CDH18: variants seen among roughly 807,000 people sequenced by gnomAD.
CDH18 encodes cadherin-18.
Under a neutral mutation model 67.9 loss-of-function variants are expected in CDH18, and 31 were observed. The observed-to-expected ratio is 0.46, with a 90% CI of 0.34 to 0.62. The LOEUF (loss-of-function observed/expected upper bound fraction) is 0.62. Among genes scored for constraint, CDH18 ranks in the 20% least tolerant of loss-of-function variants. The pLI is 0.01. For missense variants in CDH18, 890 were observed against 975.5 expected (o/e 0.91, Z 1.17); for synonymous variants, 362 against 347.2 (o/e 1.04, Z -0.48).
chr5:20,478,576 A>G (rs954575382), intron 1 of CDH18, among the ~76,000 whole-genome samples: 4 of 152,184 alleles, frequency 2.6e-5, no homozygotes, highest in African/African-American at 9.7e-5. Context: ...GTGCCAGCTC[A>G]GAAGCAACAG....
At chr5:19,768,234 A>T (rs1773331407) in intron 3 of CDH18, among the ~76,000 whole-genome samples, 1 of 152,216 alleles carries the variant, frequency 6.6e-6, no homozygotes, top group Non-Finnish European at 1.5e-5. Context: ...TTCAGAAACA[A>T]TCAGAGGAAA....
intron 7 of CDH18, among the ~76,000 whole-genome samples, chr5:19,583,142 A>G (rs9292679): frequency 0.1 from 15,607 of 151,970 alleles, 1,032 homozygotes; most frequent in African/African-American, 0.18. Flanking sequence ...TATGTCTCCT[A>G]TAGGCAGGGA....
intron 5 of CDH18, among the ~76,000 whole-genome samples, chr5:19,714,409 A>C (rs1027016914): frequency 9.9e-5 from 15 of 152,132 alleles, no homozygotes; most frequent in African/African-American, 3.6e-4. Flanking sequence ...TATTTCTTAA[A>C]TGCTATCTAC....
At chr5:19,976,290 A>C (rs1798491362) in intron 2 of CDH18, among the ~76,000 whole-genome samples, 1 of 152,184 alleles carries the variant, frequency 6.6e-6, no homozygotes, top group Non-Finnish European at 1.5e-5. Context: ...GATATCACAG[A>C]CAATGCAAAA....
In CDH18 at chr5:19,907,379, G is replaced by A. The variant is rs57057038; in HGVS notation, c.-256-68137C>T. ...ATGCATAATGAGATATGTTGGGGAT[G>A]GGGCCCAAGTATAAACAGCAAATTC... is the stretch of plus-strand genomic sequence containing the variant. On this transcript the variant is annotated intron_variant, in intron 2 of 12. Coordinates refer to ENST00000382275, the MANE Select transcript of CDH18 (RefSeq NM_004934.5). Among the ~76,000 whole-genome samples the A allele has an allele frequency of 2.2e-3, 340 of 151,950 alleles. 1 individual carries two copies. Among genetic ancestry groups the A allele is most frequent in the African/African-American group, 7.7e-3 (320 of 41,482 alleles).
chr5:19,867,971 GC>G (rs923277624), intron 2 of CDH18, among the ~76,000 whole-genome samples: 1 of 152,044 alleles, frequency 6.6e-6, no homozygotes, highest in Non-Finnish European at 1.5e-5. Flanking sequence ...TTTATAAGGG[GC>G]CTTGCCCACT....
chr5:20,010,537 T>C (rs1412586072), intron 2 of CDH18, among the ~76,000 whole-genome samples: 3 of 152,116 alleles, frequency 2.0e-5, no homozygotes, highest in Non-Finnish European at 4.4e-5. Context: ...CTTTTTTGGC[T>C]TCTGTTCCTC....
intron 2 of CDH18, among the ~76,000 whole-genome samples, chr5:20,240,370 T>C (rs751526554): frequency 1.3e-5 from 2 of 152,268 alleles, no homozygotes; most frequent in African/African-American, 2.4e-5. Context: ...AAATATATGA[T>C]AGTTTTTTAT....
At chr5:20,125,370 T>C (rs1451227860) in intron 2 of CDH18, among the ~76,000 whole-genome samples, 2 of 152,036 alleles carry the variant, frequency 1.3e-5, no homozygotes, top group African/African-American at 2.4e-5. Context: ...TGAAGTTGAC[T>C]AGGTGATTTG....
chr5:20,323,775 C>G (rs994044487), intron 1 of CDH18, among the ~76,000 whole-genome samples: 11 of 152,146 alleles, frequency 7.2e-5, no homozygotes, highest in African/African-American at 2.7e-4. Context: ...CTGTTCTGAA[C>G]ATGTTTTGTT....
At chr5:20,368,725 T>G (rs1291102171) in intron 1 of CDH18, among the ~76,000 whole-genome samples, 1 of 152,182 alleles carries the variant, frequency 6.6e-6, no homozygotes, top group African/African-American at 2.4e-5. Context: ...CATGCAGTAC[T>G]GGCATTAGAG....
chr5:20,075,458 G>A (rs902532428), intron 2 of CDH18, among the ~76,000 whole-genome samples: 1 of 152,042 alleles, frequency 6.6e-6, no homozygotes, highest in African/African-American at 2.4e-5. Flanking sequence ...AGCCGAGATT[G>A]CGCCACTGCA....
At chr5:20,533,974 A>T (rs1044519470) in intron 1 of CDH18, among the ~76,000 whole-genome samples, 1 of 151,870 alleles carries the variant, frequency 6.6e-6, no homozygotes, top group African/African-American at 2.4e-5. Context: ...TGGGGTCCTA[A>T]GTATAGTTAA....
chr5:19,891,504 T>G (rs2150084761), intron 2 of CDH18, among the ~76,000 whole-genome samples: 1 of 152,252 alleles, frequency 6.6e-6, no homozygotes, highest in South Asian at 2.1e-4. Flanking sequence ...AATTTATAAT[T>G]TTTTTACTCA....
chr5:20,230,202 T>C (rs1741956916), intron 2 of CDH18, among the ~76,000 whole-genome samples: 1 of 152,108 alleles, frequency 6.6e-6, no homozygotes, highest in Admixed American at 6.6e-5. Flanking sequence ...CAGAAAGCCC[T>C]TTGTGTATCA....
At chr5:19,736,527 T>G (rs1336823849) in intron 4 of CDH18, among the ~76,000 whole-genome samples, 1 of 152,180 alleles carries the variant, frequency 6.6e-6, no homozygotes, top group Non-Finnish European at 1.5e-5. Flanking sequence ...ATTAAAGTAA[T>G]AGATGTTTAA....
At chr5:20,550,009 C>G (rs997597536) in intron 1 of CDH18, among the ~76,000 whole-genome samples, 1 of 152,082 alleles carries the variant, frequency 6.6e-6, no homozygotes. Flanking sequence ...AATGCACAGA[C>G]TGTATTTCTA....
At chr5:20,538,089 C>A (rs28431012) in intron 1 of CDH18, among the ~76,000 whole-genome samples, 3,994 of 120,314 alleles carry the variant, frequency 0.033, 172 homozygotes, top group African/African-American at 0.1. Flanking sequence ...AGTTTACTTG[C>A]CAATAGAAAG....
At chr5:19,681,637 A>G (rs1760340715) in intron 5 of CDH18, among the ~76,000 whole-genome samples, 1 of 151,984 alleles carries the variant, frequency 6.6e-6, no homozygotes, top group South Asian at 2.1e-4. Flanking sequence ...GTAAGAACCA[A>G]AATGACCCCT....
Sources: allele counts gnomAD v4.1 joint callset (sites outside exome capture counted in the v4.1 genomes callset), GRCh38; gene constraint gnomAD v4.1.1; transcripts MANE v1.5; gene names NCBI Gene and HGNC (gene_info 2026-07-23, HGNC 2026-07-21).